The following TNRC6B variants were observed in gnomAD, a reference collection of about 807,000 sequenced individuals.
TNRC6B encodes the protein trinucleotide repeat containing adaptor 6B, also known as trinucleotide repeat-containing gene 6B protein.
TNRC6B carries 52 observed loss-of-function variants against 203.6 expected under a neutral mutation model. The ratio of observed to expected loss-of-function variants is 0.26; its 90% CI spans 0.20 to 0.32. The LOEUF (loss-of-function observed/expected upper bound fraction) is 0.32, where lower values mean the gene tolerates loss of function less well. TNRC6B is among the 10% of genes least tolerant of loss of function. The pLI is 1.00. For missense variants in TNRC6B, 1,923 were observed against 2,286.2 expected (o/e 0.84, Z 3.24); for synonymous variants, 838 against 845.7 (o/e 0.99, Z 0.16).
chr22:40,170,791 G>A (rs1189653391), intron 4 of TNRC6B, among the ~76,000 whole-genome samples: 7 of 61,206 alleles, frequency 1.1e-4, no homozygotes, highest in Non-Finnish European at 1.8e-4. Flanking sequence ...ACATATATGT[G>A]TGTATATATA....
chr22:40,315,866 GA>G (rs2071250336), intron 20 of TNRC6B, 75 bp from the exon 21 acceptor site: 1 of 1,127,962 alleles, frequency 8.9e-7, no homozygotes, highest in Non-Finnish European at 1.3e-6. Context: ...TGAGCTACAT[GA>G]AAATCTTTCT....
Position 40,321,268 on chromosome 22 carries a change from A to G in TNRC6B, c.5114+39A>G, listed in dbSNP as rs777050513. ...CCTACACCCACGTAGACAAACATGC[A>G]TGAAGATGCACCCGTGAGTATTCTG... On this transcript the variant is annotated intron_variant, in intron 22 of 22. Transcript: ENST00000454349. 1.9e-6 allele frequency: 3 copies of G among 1,603,388 alleles called. No individual in the cohort carries two copies. In the East Asian group the frequency reaches 6.7e-5, roughly 36 times the overall value.
chr22:40,070,521 GA>G (rs1487519693), intron 1 of TNRC6B, among the ~76,000 whole-genome samples: 3 of 152,084 alleles, frequency 2.0e-5, no homozygotes, highest in Non-Finnish European at 4.4e-5. Context: ...CCTTCAGAAA[GA>G]AGTTAAAATA....
At chr22:40,217,743 G>A (rs2069654065) in intron 1 of TNRC6B, among the ~76,000 whole-genome samples, 1 of 152,066 alleles carries the variant, frequency 6.6e-6, no homozygotes, top group South Asian at 2.1e-4. Flanking sequence ...GGGAGGCCGA[G>A]GTGGGTGGAT....
chr22:40,288,268 C>G (rs2070814402), intron 12 of TNRC6B, among the ~76,000 whole-genome samples: 2 of 134,458 alleles, frequency 1.5e-5, no homozygotes, highest in East Asian at 4.9e-4. Context: ...GACACAGTTC[C>G]CAGGTCTCCA....
intron 1 of TNRC6B, among the ~76,000 whole-genome samples, chr22:40,207,861 C>A (rs1214674768): frequency 6.6e-6 from 1 of 151,908 alleles, no homozygotes; most frequent in Admixed American, 6.6e-5. Context: ...ACCTGTAATC[C>A]CAGCACTTTG....
At chr22:40,300,644 T>C in intron 13 of TNRC6B, 58 bp downstream of exon 13, 1 of 1,566,122 alleles carries the variant, frequency 6.4e-7, no homozygotes. Flanking sequence ...TTTTTTTCTT[T>C]AGCTTTGATT....
intron 1 of TNRC6B, among the ~76,000 whole-genome samples, chr22:40,224,510 T>A (rs1026211982): frequency 3.3e-5 from 5 of 152,206 alleles, no homozygotes; most frequent in African/African-American, 1.2e-4. Context: ...ATGCTGATTT[T>A]TTTCCCCCAG....
chr22:40,202,201 G>A (rs528937882), intron 1 of TNRC6B, among the ~76,000 whole-genome samples: 1 of 151,420 alleles, frequency 6.6e-6, no homozygotes, highest in African/African-American at 2.4e-5. Context: ...TACCCTGCTT[G>A]AAAAACCAGA....
chr22:40,137,813 A>G (rs2068612423), intron 3 of TNRC6B, among the ~76,000 whole-genome samples: 1 of 151,930 alleles, frequency 6.6e-6, no homozygotes, highest in Non-Finnish European at 1.5e-5. Context: ...GTGAAACCGC[A>G]TCTCTACTAA....
At chr22:40,170,991 GTA>G (rs1308875690) in intron 4 of TNRC6B, among the ~76,000 whole-genome samples, 3 of 144,462 alleles carry the variant, frequency 2.1e-5, no homozygotes, top group African/African-American at 5.1e-5. Context: ...ACATATATGT[GTA>G]TATATATACA....
intron 22 of TNRC6B, among the ~76,000 whole-genome samples, chr22:40,322,387 T>TA (rs1412255708): frequency 1.3e-5 from 2 of 152,190 alleles, no homozygotes; most frequent in Non-Finnish European, 2.9e-5. Context: ...TAGTTTACAT[T>TA]AGAGTTCACT....
chr22:40,126,599 T>A (rs1325472811), intron 3 of TNRC6B, among the ~76,000 whole-genome samples: 1 of 141,214 alleles, frequency 7.1e-6, no homozygotes, highest in Non-Finnish European at 1.5e-5. Flanking sequence ...TTTTTTTTTT[T>A]TTTTTTTTTT....
At chr22:40,177,615 CT>C, upstream of TNRC6B, among the ~76,000 whole-genome samples, 1 of 152,294 alleles carries the variant, frequency 6.6e-6, no homozygotes, top group East Asian at 1.9e-4. Flanking sequence ...TAGAGAATAA[CT>C]AGCAAGCGAG....
intron 12 of TNRC6B, among the ~76,000 whole-genome samples, 181 bp downstream of exon 12, chr22:40,285,951 C>T (rs1337337529): frequency 1.3e-5 from 2 of 152,052 alleles, no homozygotes; most frequent in Non-Finnish European, 2.9e-5. Flanking sequence ...TATCTAGCTG[C>T]CAAAGATGAA....
At chr22:40,290,900 T>C (rs2070861533) in intron 12 of TNRC6B, among the ~76,000 whole-genome samples, 1 of 152,222 alleles carries the variant, frequency 6.6e-6, no homozygotes, top group African/African-American at 2.4e-5. Flanking sequence ...GTGAGAGACT[T>C]GGGTACTACA....
chr22:40,120,483 G>C (rs2068433914), intron 2 of TNRC6B, among the ~76,000 whole-genome samples: 2 of 152,154 alleles, frequency 1.3e-5, no homozygotes, highest in Admixed American at 6.5e-5. Context: ...AGATTTGCCT[G>C]CGTGAATGCA....
At chr22:40,180,185 G>C (rs1356097513) in intron 1 of TNRC6B, among the ~76,000 whole-genome samples, 1 of 152,150 alleles carries the variant, frequency 6.6e-6, no homozygotes, top group Non-Finnish European at 1.5e-5. Context: ...AGGAAAATCA[G>C]CTCTGATTTT....
At chr22:40,270,892 T>C (rs2070553579) in intron 6 of TNRC6B, among the ~76,000 whole-genome samples, 1 of 152,248 alleles carries the variant, frequency 6.6e-6, no homozygotes, top group Non-Finnish European at 1.5e-5. Flanking sequence ...GTGCTCACCA[T>C]ATCTAGCTTG....
Sources: allele counts gnomAD v4.1 joint callset (sites outside exome capture counted in the v4.1 genomes callset), GRCh38; gene constraint gnomAD v4.1.1; transcripts MANE v1.5; gene names NCBI Gene and HGNC (gene_info 2026-07-23, HGNC 2026-07-21).